Variants in SLC12A1 observed in about 807,000 individuals in gnomAD.
The protein encoded by SLC12A1 is Na-K-2Cl cotransporter.
Under a neutral mutation model 130.4 loss-of-function variants are expected in SLC12A1, and 89 were observed. The observed-to-expected ratio is 0.68, with a 90% CI of 0.58 to 0.81. The LOEUF (loss-of-function observed/expected upper bound fraction) is 0.81. SLC12A1 is among the 40% of genes least tolerant of loss of function. The pLI is 0.00. For missense variants in SLC12A1, 1,310 were observed against 1,336.4 expected (o/e 0.98, Z 0.31); for synonymous variants, 499 against 460.0 (o/e 1.08, Z -1.09).
At chr15:48,219,706 T>C (rs1030830437) in intron 2 of SLC12A1, among the ~76,000 whole-genome samples, 1 of 152,146 alleles carries the variant, frequency 6.6e-6, no homozygotes, top group Middle Eastern at 3.4e-3. Flanking sequence ...TTCATTGAAT[T>C]CTCTTAAAGA....
chr15:48,287,979 T>G, intron 21 of SLC12A1, 64 bp from the exon 22 acceptor site: 6 of 1,552,358 alleles, frequency 3.9e-6, no homozygotes, highest in Admixed American at 1.9e-5. Flanking sequence ...CTAGATTGAT[T>G]GGAAAGTTAT....
At position 48,230,624 on chromosome 15, in the gene SLC12A1, G is replaced by A. The variant is rs557028971; in HGVS notation, c.975+121G>A. On this transcript the variant is annotated intron_variant, in intron 7 of 26. Coordinates refer to ENST00000380993, the MANE Select transcript of SLC12A1 (RefSeq NM_000338.3). Reference sequence around the variant, plus strand: ...GTTATTACCTGCTATGGTGAAATGAGCAGGCAAGTGCTAGGTGGAACACCA... The same window carrying A: ...GTTATTACCTGCTATGGTGAAATGAACAGGCAAGTGCTAGGTGGAACACCA... The A allele has an allele frequency of 9.4e-5, 65 of 691,782 alleles. 2 individuals carry two copies. In the South Asian group the frequency reaches 1.0e-3, roughly 11 times the overall value. 42.9% of individuals were successfully genotyped at this position (691,782 alleles called of 1,614,324 possible).
chr15:48,206,921 T>C (rs1220273036), intron 1 of SLC12A1, among the ~76,000 whole-genome samples: 3 of 152,176 alleles, frequency 2.0e-5, no homozygotes, highest in Non-Finnish European at 4.4e-5. Context: ...ATGAAACATT[T>C]GGATCTTGTA....
intron 21 of SLC12A1, among the ~76,000 whole-genome samples, chr15:48,287,333 A>C (rs2042070094): frequency 6.6e-6 from 1 of 151,758 alleles, no homozygotes; most frequent in Non-Finnish European, 1.5e-5. Context: ...AACTCAAGTA[A>C]AGATGTTTTG....
intron 6 of SLC12A1, 128 bp from the exon 7 acceptor site, chr15:48,230,265 C>A (rs1015621738): frequency 6.6e-6 from 4 of 603,746 alleles, no homozygotes; most frequent in East Asian, 2.8e-5. Context: ...TATGAATACT[C>A]CATTTTTCTA....
chr15:48,232,989 C>T (rs191380500), intron 8 of SLC12A1, among the ~76,000 whole-genome samples, 151 bp downstream of exon 8: 26 of 152,278 alleles, frequency 1.7e-4, no homozygotes, highest in Middle Eastern at 3.4e-3. Flanking sequence ...ATGGGAAGTA[C>T]GTTGGGGAAA....
chr15:48,217,212 A>G (rs1273963505), intron 2 of SLC12A1, among the ~76,000 whole-genome samples: 1 of 152,362 alleles, frequency 6.6e-6, no homozygotes, highest in East Asian at 1.9e-4. Context: ...AAATACTTAT[A>G]TTGCAAATAT....
Position 48,220,963 on chromosome 15 carries a change from C to T in SLC12A1, c.595C>T (p.Arg199Cys), listed in dbSNP as rs780448089. 9 of 1,613,820 alleles carry T rather than the reference C, an allele frequency of 5.6e-6. No homozygotes were observed. The highest frequency in any genetic ancestry group is 1.6e-4 in the Middle Eastern group (1 of 6,082). Reference sequence around the variant, plus strand: ...CATCTGGGGAGTCATGCTCTTCATTCGCCTCTCCTGGATTGTTGGAGAAGC... The same window carrying T: ...CATCTGGGGAGTCATGCTCTTCATTTGCCTCTCCTGGATTGTTGGAGAAGC... ...LNIWGVMLFI[R>C]LSWIVGEAGI... Residue 199 changes from arginine (R) to cysteine (C), a missense_variant, in exon 4 of 27, where the codon CGC becomes TGC. By Grantham distance (180) the Arg-to-Cys change is radical. Coordinates refer to ENST00000380993, the MANE Select transcript of SLC12A1 (RefSeq NM_000338.3).
intron 24 of SLC12A1, 149 bp downstream of exon 24, chr15:48,292,013 A>G (rs2042126671): frequency 3.3e-6 from 2 of 603,842 alleles, no homozygotes; most frequent in Non-Finnish European, 5.9e-6. Context: ...TAAGCATGAC[A>G]TGGAACTAAC....
intron 16 of SLC12A1, among the ~76,000 whole-genome samples, chr15:48,258,079 C>CTCCAGTTCCCAAGGA (rs1597434518): frequency 4.7e-5 from 6 of 126,520 alleles, no homozygotes; most frequent in African/African-American, 1.3e-4. Flanking sequence ...GTGACCTTTA[C>CTCCAGTTCCCAAGGA]GGCCGGGCGC....
intron 2 of SLC12A1, among the ~76,000 whole-genome samples, chr15:48,219,645 T>C (rs2041174698): frequency 6.6e-6 from 1 of 151,510 alleles, no homozygotes; most frequent in African/African-American, 2.4e-5. Flanking sequence ...AAAGAAAAAG[T>C]AAGGAAGAAA....
chr15:48,274,703 T>G (rs542167210), intron 20 of SLC12A1, 50 bp downstream of exon 20: 16 of 1,285,630 alleles, frequency 1.2e-5, no homozygotes, highest in Non-Finnish European at 1.8e-5. Context: ...GCACCTACTT[T>G]GTGCCTGACA....
At chr15:48,207,177 A>C (rs2040992303) in intron 1 of SLC12A1, among the ~76,000 whole-genome samples, 1 of 152,208 alleles carries the variant, frequency 6.6e-6, no homozygotes, top group Non-Finnish European at 1.5e-5. Context: ...TAGTACTGTC[A>C]GTGAACTGTG....
At chr15:48,228,148 T>C (rs917064075) in intron 5 of SLC12A1, 20 of 152,364 alleles carry the variant, frequency 1.3e-4, no homozygotes, top group African/African-American at 4.8e-4. Flanking sequence ...AATCTTACTA[T>C]GGTCTGTGAT....
At chr15:48,247,245 A>T in intron 12 of SLC12A1, 92 bp from the exon 13 acceptor site, 1 of 1,344,940 alleles carries the variant, frequency 7.4e-7, no homozygotes, top group Non-Finnish European at 1.0e-6. Flanking sequence ...TGTATCACTT[A>T]ATCTTTCCCC....
intron 9 of SLC12A1, 145 bp downstream of exon 9, chr15:48,235,149 T>C: frequency 1.1e-6 from 1 of 896,250 alleles, no homozygotes; most frequent in South Asian, 1.4e-5. Flanking sequence ...GATTTAAAAG[T>C]TCTCTCTTTT....
intron 10 of SLC12A1, among the ~76,000 whole-genome samples, chr15:48,241,959 A>G (rs2041521617): frequency 6.6e-6 from 1 of 152,212 alleles, no homozygotes; most frequent in Admixed American, 6.5e-5. Flanking sequence ...GAGTAGAGAA[A>G]AGAAGTGAAA....
At chr15:48,285,371 G>A (rs1316752500) in intron 21 of SLC12A1, 122 bp downstream of exon 21, 5 of 877,240 alleles carry the variant, frequency 5.7e-6, no homozygotes, top group Non-Finnish European at 8.8e-6. Context: ...GGAACTGAAA[G>A]GTTTCTCTCC....
intron 4 of SLC12A1, chr15:48,223,898 A>G (rs2041248606): frequency 6.6e-6 from 1 of 152,296 alleles, no homozygotes; most frequent in South Asian, 2.1e-4. Context: ...GTGCTTAGTT[A>G]GCTTCTTCCC....
Sources: gnomAD v4.1 joint callset for allele counts (sites outside exome capture counted in the v4.1 genomes callset) on GRCh38, gnomAD v4.1.1 for gene constraint, MANE v1.5 for transcripts, NCBI Gene and HGNC (gene_info 2026-07-23, HGNC 2026-07-21) for gene names.